The following MN1 variants were observed in gnomAD, a reference collection of about 807,000 sequenced individuals.
MN1 encodes the protein transcriptional activator MN1.
Under a neutral mutation model 86.9 loss-of-function variants are expected in MN1, and 19 were observed. The observed-to-expected ratio is 0.22, with a 90% CI of 0.15 to 0.32. The LOEUF (loss-of-function observed/expected upper bound fraction) is 0.32. Ranked by LOEUF, MN1 falls within the 10% of genes least tolerant of loss-of-function variation. The pLI is 1.00. For synonymous variants in MN1, 928 were observed against 849.6 expected, an observed-to-expected ratio of 1.09 and a Z score of -1.60; for missense variants, 1,841 against 1,862.0, an observed-to-expected ratio of 0.99 and a Z score of 0.21.
rs34890218 is a variant in MN1 at position 27,798,945 on chromosome 22, T to TTGCTGCTGC, written c.1590_1598dup (p.Gln548_Gln550dup). ...GCTGTTGCTGCTGCTGCTGCTGCTG[T>TTGCTGCTGC]TGCTGCTGCTGCTGCTGCTGCTGCT... On this transcript the variant is annotated inframe_insertion, in exon 1 of 2. Coordinates refer to ENST00000302326, the MANE Select transcript of MN1 (RefSeq NM_002430.3). 128 of 1,539,678 alleles carry TTGCTGCTGC rather than the reference T, an allele frequency of 8.3e-5. No individual in the cohort carries two copies. Among genetic ancestry groups the TTGCTGCTGC allele is most frequent in the Admixed American group, 3.4e-4 (18 of 53,244 alleles).
intron 1 of MN1, among the ~76,000 whole-genome samples, chr22:27,776,414 G>T (rs2146304418): frequency 6.6e-6 from 1 of 152,294 alleles, no homozygotes; most frequent in Non-Finnish European, 1.5e-5. Flanking sequence ...AGGCAGGCAG[G>T]CCCAGGCAGA....
Position 27,749,194 on chromosome 22 carries a change from A to T in MN1, c.*1721T>A. The T allele has an allele frequency of 4.3e-6, 1 of 230,960 alleles. No homozygotes were observed. Among genetic ancestry groups the T allele is most frequent in the East Asian group, 6.1e-5 (1 of 16,284 alleles). The allele number at this position is 230,960 out of a possible 1,614,324, so 14.3% of individuals were successfully genotyped here. A position where few individuals can be genotyped will look rare whatever the true frequency, so the allele number is the denominator to read the frequency against. ...AAAGAGGGGAGAAGGGAGGGGAAAG[A>T]GTGAGGTTTTTCTGAAAGCTCCTCT... On this transcript the variant is annotated 3_prime_UTR_variant, in exon 2 of 2. Transcript: ENST00000302326.
At chr22:27,773,460 A>G (rs944417608) in intron 1 of MN1, among the ~76,000 whole-genome samples, 2 of 152,182 alleles carry the variant, frequency 1.3e-5, no homozygotes, top group Non-Finnish European at 2.9e-5. Context: ...GCTGGGCCCG[A>G]GTCATGGGAG....
intron 1 of MN1, among the ~76,000 whole-genome samples, chr22:27,779,861 T>A (rs926574941): frequency 6.6e-6 from 1 of 152,086 alleles, no homozygotes; most frequent in African/African-American, 2.4e-5. Flanking sequence ...TGGAGAACAA[T>A]GCCTGGGGGA....
At position 27,795,849 on chromosome 22, in the gene MN1, C is replaced by T. The variant is rs533493778; in HGVS notation, c.3781+914G>A. Among the ~76,000 whole-genome samples the T allele has an allele frequency of 3.3e-5, 5 of 152,298 alleles. No individual in the cohort carries two copies. In the South Asian group the frequency reaches 6.2e-4, roughly 19 times the overall value. ...ACTGTTATTACTTTAACTGGAATGGCAGCCCATTTACTAACCCCACCCCTC... is the reference window on the plus strand; with the variant it reads ...ACTGTTATTACTTTAACTGGAATGGTAGCCCATTTACTAACCCCACCCCTC... On this transcript the variant is annotated intron_variant, in intron 1 of 1. Transcript: ENST00000302326.
chr22:27,767,220 G>C (rs1195946276), intron 1 of MN1, among the ~76,000 whole-genome samples: 1 of 152,004 alleles, frequency 6.6e-6, no homozygotes, highest in African/African-American at 2.4e-5. Context: ...ACCCTAAAGA[G>C]TCCCTAAAAT....
intron 1 of MN1, among the ~76,000 whole-genome samples, chr22:27,778,902 C>T (rs931813451): frequency 2.0e-5 from 3 of 152,226 alleles, no homozygotes; most frequent in Non-Finnish European, 4.4e-5. Flanking sequence ...AAAGCAGAAG[C>T]TGGCTAAGAC....
Position 27,800,014 on chromosome 22 carries a change from T to G in MN1, c.530A>C (p.His177Pro). The G allele has an allele frequency of 6.2e-7, 1 of 1,604,942 alleles. No homozygotes were observed. Among genetic ancestry groups the G allele is most frequent in the South Asian group, 1.1e-5 (1 of 90,842 alleles). Residue 177 changes from histidine (H) to proline (P), a missense_variant, in exon 1 of 2, where the codon CAC (histidine) becomes CCC (proline). By Grantham distance (77) the His-to-Pro change is moderately conservative. Transcript: ENST00000302326. ...GGCGTGGCTGGAGGCACCTGAACTG[T>G]GGAAGTCCGGGAGGTTCCCCGGTCG... is the stretch of plus-strand genomic sequence containing the variant. ...PQRPGNLPDF[H>P]SSGASSHAVP...
chr22:27,799,666 G>A lies in MN1; in HGVS notation c.878C>T (p.Pro293Leu). 6.5e-7 allele frequency: 1 copy of A among 1,550,044 alleles called. No homozygotes were observed. The highest frequency in any genetic ancestry group is 1.4e-5 in the African/African-American group (1 of 73,274). Reference sequence around the variant, plus strand: ...CTGCTGCTGCTGGGGCTGCTGCTGCGGTGGCTGGGCGTGCATTTTGGACAA... The same window carrying A: ...CTGCTGCTGCTGGGGCTGCTGCTGCAGTGGCTGGGCGTGCATTTTGGACAA... The part of the protein sequence containing the change: ...VGLSKMHAQP[P>L]QQQPQQQQQP... Residue 293 changes from proline to leucine, a missense_variant, in exon 1 of 2, where the codon CCG becomes CTG. Coordinates refer to ENST00000302326, the MANE Select transcript of MN1 (RefSeq NM_002430.3).
intron 1 of MN1, among the ~76,000 whole-genome samples, chr22:27,793,793 G>A (rs1011283803): frequency 6.6e-6 from 1 of 152,184 alleles, no homozygotes; most frequent in Admixed American, 6.5e-5. Context: ...GTGGCTGCAC[G>A]CCTTGTACAG....
intron 1 of MN1, among the ~76,000 whole-genome samples, chr22:27,786,085 G>A (rs1280920454): frequency 6.6e-6 from 1 of 152,230 alleles, no homozygotes; most frequent in East Asian, 1.9e-4. Context: ...GAGGAATTAA[G>A]CAAATGGTGG....
In MN1 at chr22:27,798,574, C is replaced by T; in HGVS notation, c.1970G>A (p.Gly657Asp). Residue 657 changes from glycine to aspartate, a missense_variant, in exon 1 of 2, where the codon GGC becomes GAC. By Grantham distance (94) the Gly-to-Asp change is moderately conservative (BLOSUM62 -1). Coordinates refer to ENST00000302326, the MANE Select transcript of MN1 (RefSeq NM_002430.3). ...MGGSGLPADC[G>D]PHDPSLAPPP... ...GGGCGCCAGGCTGGGGTCGTGCGGG[C>T]CACAGTCAGCGGGCAGACCCGAGCC... is the stretch of plus-strand genomic sequence containing the variant. The T allele has an allele frequency of 2.6e-6, 4 of 1,539,082 alleles. No homozygotes were observed. The highest frequency in any genetic ancestry group is 3.5e-6 in the Non-Finnish European group (4 of 1,152,600).
At chr22:27,786,446 C>T (rs1933134281) in intron 1 of MN1, among the ~76,000 whole-genome samples, 1 of 152,096 alleles carries the variant, frequency 6.6e-6, no homozygotes, top group Admixed American at 6.5e-5. Context: ...CACACACACA[C>T]ACACACACAT....
intron 1 of MN1, among the ~76,000 whole-genome samples, chr22:27,793,657 T>C (rs1197594365): frequency 6.6e-6 from 1 of 152,122 alleles, no homozygotes; most frequent in Non-Finnish European, 1.5e-5. Flanking sequence ...CTAGATTTCC[T>C]GGTTTAAAAA....
At chr22:27,771,766 A>T (rs1932918789) in intron 1 of MN1, among the ~76,000 whole-genome samples, 1 of 152,128 alleles carries the variant, frequency 6.6e-6, no homozygotes, top group Non-Finnish European at 1.5e-5. Context: ...TTAACAGAAA[A>T]AGTTTGCCAA....
chr22:27,752,523 G>A (rs771075830), intron 1 of MN1, among the ~76,000 whole-genome samples: 2 of 152,178 alleles, frequency 1.3e-5, no homozygotes, highest in Non-Finnish European at 2.9e-5. Context: ...GGATGTCTGT[G>A]TTAGACACGC....
chr22:27,795,983 A>T (rs966780715), intron 1 of MN1, among the ~76,000 whole-genome samples: 2 of 152,062 alleles, frequency 1.3e-5, no homozygotes, highest in Non-Finnish European at 2.9e-5. Context: ...ACAAACACGG[A>T]TCCTTTGTGT....
At chr22:27,785,758 T>G (rs888959410) in intron 1 of MN1, among the ~76,000 whole-genome samples, 6 of 125,658 alleles carry the variant, frequency 4.8e-5, no homozygotes, top group South Asian at 2.5e-4. Context: ...CCCCCCCCCA[T>G]GGCCCCTCCC....
At chr22:27,790,689 G>A (rs755774621) in intron 1 of MN1, among the ~76,000 whole-genome samples, 4 of 151,780 alleles carry the variant, frequency 2.6e-5, no homozygotes, top group African/African-American at 9.7e-5. Context: ...GGGGTAGGTG[G>A]GGGGGGAGTA....
Sources: gnomAD v4.1 joint callset for allele counts (sites outside exome capture counted in the v4.1 genomes callset) on GRCh38, gnomAD v4.1.1 for gene constraint, MANE v1.5 for transcripts, NCBI Gene and HGNC (gene_info 2026-07-23, HGNC 2026-07-21) for gene names.